Variants in GRIN2B observed in about 807,000 individuals in gnomAD.
GRIN2B encodes the protein glutamate ionotropic receptor NMDA type subunit 2B.
A neutral mutation model predicts 114.5 loss-of-function variants in GRIN2B; 5 were observed. The observed-to-expected ratio is 0.04, with a 90% CI of 0.02 to 0.09. The LOEUF is 0.09. Ranked by LOEUF, GRIN2B falls within the 10% of genes least tolerant of loss-of-function variation. The pLI, the probability that GRIN2B is intolerant of heterozygous loss-of-function variation, is 1.00. For missense variants in GRIN2B, 1,108 were observed against 1,943.5 expected (o/e 0.57, Z 8.08); for synonymous variants, 787 against 745.1 (o/e 1.06, Z -0.92).
intron 3 of GRIN2B, among the ~76,000 whole-genome samples, chr12:13,819,403 G>A (rs1335346100): frequency 1.9e-5 from 1 of 53,566 alleles, no homozygotes; most frequent in Admixed American, 2.2e-4. Context: ...CCAAAACAAG[G>A]TTCTATGCAT....
At chr12:13,747,543 G>A (rs1004845256) in intron 4 of GRIN2B, among the ~76,000 whole-genome samples, 1 of 151,662 alleles carries the variant, frequency 6.6e-6, no homozygotes, top group Non-Finnish European at 1.5e-5. Flanking sequence ...CTATATACAG[G>A]TGTGTGTCAT....
intron 4 of GRIN2B, among the ~76,000 whole-genome samples, chr12:13,694,904 G>A (rs978877835): frequency 7.9e-5 from 12 of 151,682 alleles, no homozygotes; most frequent in African/African-American, 2.9e-4. Flanking sequence ...GGATTACAAA[G>A]TTTTTTATGG....
At chr12:13,942,017 C>T (rs1008788713) in intron 2 of GRIN2B, among the ~76,000 whole-genome samples, 1 of 152,214 alleles carries the variant, frequency 6.6e-6, no homozygotes, top group Admixed American at 6.5e-5. Flanking sequence ...TGCCCCATAG[C>T]AGTTAATCTT....
intron 2 of GRIN2B, among the ~76,000 whole-genome samples, chr12:13,898,117 A>G (rs1402625730): frequency 6.6e-6 from 1 of 152,188 alleles, no homozygotes; most frequent in Non-Finnish European, 1.5e-5. Flanking sequence ...AAACAATGAC[A>G]GTGAATATAG....
chr12:13,607,298 AT>A (rs1209228719), intron 10 of GRIN2B, among the ~76,000 whole-genome samples: 926 of 52,788 alleles, frequency 0.018, 58 homozygotes, highest in African/African-American at 0.068. Flanking sequence ...TTATATAAAA[AT>A]ATATATTATA....
At chr12:13,817,284 A>T (rs1404694107) in intron 3 of GRIN2B, among the ~76,000 whole-genome samples, 1 of 152,132 alleles carries the variant, frequency 6.6e-6, no homozygotes, top group Non-Finnish European at 1.5e-5. Flanking sequence ...AGTGGTCCAG[A>T]ATCTGCCTCC....
At chr12:13,783,400 A>C (rs969989969) in intron 3 of GRIN2B, among the ~76,000 whole-genome samples, 1 of 99,464 alleles carries the variant, frequency 1.0e-5, no homozygotes, top group Non-Finnish European at 2.3e-5. Context: ...GATCTCCAAA[A>C]TATAGGACAA....
At position 13,980,279 on chromosome 12, in the gene GRIN2B, GA is replaced by G. The variant is rs1565608331; in HGVS notation, c.-371del. On this transcript the variant is annotated 5_prime_UTR_variant, in exon 2 of 14. An upstream open reading frame in the 5' UTR loses its in-frame stop. Transcript: ENST00000609686. ...GTTTTTGGTTTTTGGAGCGTTAGTGGAGGAGGCTCTGTGTGGAGAAGCTGGG... is the reference window on the plus strand; with the variant it reads ...GTTTTTGGTTTTTGGAGCGTTAGTGGGGAGGCTCTGTGTGGAGAAGCTGGG... 6.6e-6 allele frequency: 1 copy of G among 152,110 alleles called. No homozygotes were observed. Among genetic ancestry groups the G allele is most frequent in the Non-Finnish European group, 1.5e-5 (1 of 68,046 alleles). 9.4% of individuals were successfully genotyped at this position (152,110 alleles called of 1,614,324 possible). A position where few individuals can be genotyped will look rare whatever the true frequency, so the allele number is the denominator to read the frequency against.
intron 3 of GRIN2B, among the ~76,000 whole-genome samples, chr12:13,860,869 T>C (rs1184665755): frequency 1.3e-5 from 2 of 152,226 alleles, no homozygotes; most frequent in African/African-American, 2.4e-5. Flanking sequence ...CTGTAACTTC[T>C]ACCTTTCTAT....
intron 2 of GRIN2B, among the ~76,000 whole-genome samples, chr12:13,923,090 T>G (rs895829197): frequency 8.6e-5 from 13 of 150,942 alleles, no homozygotes; most frequent in African/African-American, 3.2e-4. Flanking sequence ...ATATACTTCT[T>G]TTTTTTTCCT....
At chr12:13,776,308 G>A (rs1864000718) in intron 3 of GRIN2B, among the ~76,000 whole-genome samples, 1 of 152,158 alleles carries the variant, frequency 6.6e-6, no homozygotes, top group African/African-American at 2.4e-5. Context: ...AGGAAGAGGA[G>A]CTAATGGATG....
rs1948234846 is a variant in GRIN2B, at chr12:13,538,176, C to T, written c.*24607G>A. Reference sequence around the variant, plus strand: ...CAATCCTGGGACAGCCAAGGAGGCTCATCTTTCCGGAACAGTTGGCTGATG... The same window carrying T: ...CAATCCTGGGACAGCCAAGGAGGCTTATCTTTCCGGAACAGTTGGCTGATG... On this transcript the variant is annotated 3_prime_UTR_variant, in exon 14 of 14. Coordinates refer to ENST00000609686, the MANE Select transcript of GRIN2B (RefSeq NM_000834.5). The T allele has an allele frequency of 6.6e-6, 1 of 152,228 alleles. No individual in the cohort carries two copies. Among genetic ancestry groups the T allele is most frequent in the Non-Finnish European group, 1.5e-5 (1 of 68,076 alleles). The allele number at this position is 152,228 out of a possible 1,614,324, so 9.4% of individuals were successfully genotyped here. A position where few individuals can be genotyped will look rare whatever the true frequency, so the allele number is the denominator to read the frequency against.
intron 2 of GRIN2B, among the ~76,000 whole-genome samples, chr12:13,909,623 C>T (rs987139926): frequency 6.6e-6 from 1 of 152,184 alleles, no homozygotes; most frequent in African/African-American, 2.4e-5. Flanking sequence ...TTGCATCCAG[C>T]GGCCTGACGG....
intron 3 of GRIN2B, among the ~76,000 whole-genome samples, chr12:13,817,200 T>C (rs945418541): frequency 1.3e-5 from 2 of 152,192 alleles, no homozygotes; most frequent in East Asian, 1.9e-4. Context: ...ATGGGCTCTT[T>C]AGCTAGCTTT....
intron 5 of GRIN2B, among the ~76,000 whole-genome samples, chr12:13,665,331 A>G (rs903652682): frequency 6.6e-6 from 1 of 152,022 alleles, no homozygotes; most frequent in African/African-American, 2.4e-5. Flanking sequence ...AGCCAGTCAC[A>G]GTCTGGGCTA....
At chr12:13,644,004 A>AT (rs1949741864) in intron 5 of GRIN2B, among the ~76,000 whole-genome samples, 10 of 152,092 alleles carry the variant, frequency 6.6e-5, no homozygotes, top group Non-Finnish European at 1.5e-4. Context: ...CTTTTTCTAA[A>AT]CTTTTGTTAA....
At chr12:13,849,165 A>C (rs1865516688) in intron 3 of GRIN2B, among the ~76,000 whole-genome samples, 1 of 152,138 alleles carries the variant, frequency 6.6e-6, no homozygotes, top group African/African-American at 2.4e-5. Flanking sequence ...TCTGGAAAAA[A>C]TGACATGGCA....
At chr12:13,587,552 G>A (rs1292034034) in intron 10 of GRIN2B, among the ~76,000 whole-genome samples, 1 of 151,794 alleles carries the variant, frequency 6.6e-6, no homozygotes, top group East Asian at 1.9e-4. Flanking sequence ...ACAGATATTT[G>A]TCTTGTTGCC....
At chr12:13,716,534 T>C (rs1950457501) in intron 4 of GRIN2B, among the ~76,000 whole-genome samples, 1 of 151,910 alleles carries the variant, frequency 6.6e-6, no homozygotes, top group South Asian at 2.1e-4. Context: ...CATTTCATTG[T>C]CACAGTGGAT....
Sources: allele counts gnomAD v4.1 joint callset (sites outside exome capture counted in the v4.1 genomes callset), GRCh38; gene constraint gnomAD v4.1.1; transcripts MANE v1.5; gene names NCBI Gene and HGNC (gene_info 2026-07-23, HGNC 2026-07-21).